SHROOM3: variants seen among roughly 807,000 people sequenced by gnomAD.
The protein encoded by SHROOM3 is shroom family member 3.
A neutral mutation model predicts 138.6 loss-of-function variants in SHROOM3; 47 were observed. That is an observed-to-expected ratio of 0.34 (90% CI 0.27 to 0.43). The LOEUF is 0.43. Among genes scored for constraint, SHROOM3 ranks in the 20% least tolerant of loss-of-function variants. The pLI is 1.00. For synonymous variants in SHROOM3, 1,062 were observed against 1,063.3 expected, an observed-to-expected ratio of 1.00 and a Z score of 0.02; for missense variants, 2,491 against 2,596.5, an observed-to-expected ratio of 0.96 and a Z score of 0.88.
rs768618966 is a variant in SHROOM3, at chr4:76,741,479, C to G, written c.3306C>G (p.Ala1102=). 1 of 1,559,856 alleles carries G rather than the reference C, an allele frequency of 6.4e-7. No homozygotes were observed. The change falls in exon 5 of 11, where the codon GCC becomes GCG. Residue 1102 remains alanine, a synonymous_variant. Coordinates refer to ENST00000296043, the MANE Select transcript of SHROOM3 (RefSeq NM_020859.4). The surrounding 1 kb of genome is among the most constrained non-coding windows in gnomAD (Gnocchi z 6.2). ...RKTGKRPTSA[A]GCSLQEPGPL... ...CCGGCAAGCGGCCTACCTCCGCCGC[C>G]GGCTGCAGCCTCCAGGAGCCCGGGC...
intron 3 of SHROOM3, among the ~76,000 whole-genome samples, chr4:76,724,859 A>G (rs1326308075): frequency 6.6e-6 from 1 of 152,100 alleles, no homozygotes; most frequent in Admixed American, 6.5e-5. Flanking sequence ...CAATCTTTTG[A>G]TGGGTATGTT....
At chr4:76,590,241 G>A (rs1397184765) in intron 2 of SHROOM3, among the ~76,000 whole-genome samples, 2 of 152,184 alleles carry the variant, frequency 1.3e-5, no homozygotes, top group East Asian at 3.9e-4. Context: ...ATTGAGGACA[G>A]CACCCTCTCT....
At position 76,549,901 on chromosome 4, in the gene SHROOM3, T is replaced by A. The variant is rs566097884; in HGVS notation, c.169-5708T>A. On this transcript the variant is annotated intron_variant, in intron 1 of 10. Coordinates refer to ENST00000296043, the MANE Select transcript of SHROOM3 (RefSeq NM_020859.4). ...ACACTTGGCCCCCAGCTGGCTCAAT[T>A]CAAGTCCTCCCTTGGACCTACTGGG... Among the ~76,000 whole-genome samples the A allele has an allele frequency of 1.1e-4, 16 of 152,246 alleles. 1 individual carries two copies. The South Asian group carries it at 3.3e-3, about 32-fold the overall frequency.
chr4:76,586,382 G>T, intron 2 of SHROOM3: 14 of 985,728 alleles, frequency 1.4e-5, no homozygotes, highest in Non-Finnish European at 1.7e-5. Flanking sequence ...CCCGCGGTGG[G>T]CCAGCCTTGG....
Position 76,740,243 on chromosome 4 carries a change from G to C in SHROOM3, c.2070G>C (p.Gly690=), listed in dbSNP as rs2110134020. The part of the protein sequence containing the change: ...LGRGTQEGYP[G]GRPTCAVNTK... Reference sequence around the variant, plus strand: ...GGGGAACCCAGGAGGGTTACCCCGGGGGCAGGCCCACCTGTGCAGTCAACA... The same window carrying C: ...GGGGAACCCAGGAGGGTTACCCCGGCGGCAGGCCCACCTGTGCAGTCAACA... The change falls in exon 5 of 11, where the codon GGG becomes GGC. Residue 690 remains glycine (G), a synonymous_variant. Transcript: ENST00000296043. This position sits in a 1 kb window ranked among gnomAD's most constrained non-coding sequence, Gnocchi z 4.0. 6.2e-7 allele frequency: 1 copy of C among 1,613,304 alleles called. No individual in the cohort carries two copies. The highest frequency in any genetic ancestry group is 8.5e-7 in the Non-Finnish European group (1 of 1,180,040).
chr4:76,624,337 T>A (rs182901459), intron 2 of SHROOM3, among the ~76,000 whole-genome samples: 1 of 152,274 alleles, frequency 6.6e-6, no homozygotes, highest in Non-Finnish European at 1.5e-5. Flanking sequence ...CTTGGTCTTG[T>A]GGCTTTAACA....
At chr4:76,471,077 T>C (rs1321696568) in intron 1 of SHROOM3, among the ~76,000 whole-genome samples, 1 of 152,278 alleles carries the variant, frequency 6.6e-6, no homozygotes, top group East Asian at 1.9e-4. Flanking sequence ...ACTCCACTTT[T>C]GTTATAAAAC....
At chr4:76,731,545 C>A (rs1487719223) in intron 4 of SHROOM3, among the ~76,000 whole-genome samples, 3 of 152,054 alleles carry the variant, frequency 2.0e-5, no homozygotes, top group Non-Finnish European at 2.9e-5. Flanking sequence ...CTTTGGGAGG[C>A]CAAGGAGGGC....
intron 2 of SHROOM3, among the ~76,000 whole-genome samples, chr4:76,642,956 C>T (rs984953575): frequency 6.6e-6 from 1 of 152,074 alleles, no homozygotes; most frequent in African/African-American, 2.4e-5. Flanking sequence ...CCTGTAATCC[C>T]AGCACTTTGG....
In SHROOM3 at chr4:76,555,589, G is replaced by T; in HGVS notation, c.169-20G>T. The T allele has an allele frequency of 6.2e-7, 1 of 1,612,412 alleles. No individual in the cohort carries two copies. The highest frequency in any genetic ancestry group is 1.1e-5 in the South Asian group (1 of 91,010). On this transcript the variant is annotated intron_variant, in intron 1 of 10. Transcript: ENST00000296043. Reference sequence around the variant, plus strand: ...AGGGGAAAGCTCACTCGTGGCTGTCGCATCTCTCCCTCCAAGCAGGTCGAA... The same window carrying T: ...AGGGGAAAGCTCACTCGTGGCTGTCTCATCTCTCCCTCCAAGCAGGTCGAA...
chr4:76,780,034 A>G lies in SHROOM3; in HGVS notation c.*857A>G, dbSNP rs550981075. On this transcript the variant is annotated 3_prime_UTR_variant, in exon 11 of 11. Transcript: ENST00000296043. ...ATTAACAAAGACAACTCTCAGACCTATATAATAGGAGGAGGACGTCCAGAA... is the reference window on the plus strand; with the variant it reads ...ATTAACAAAGACAACTCTCAGACCTGTATAATAGGAGGAGGACGTCCAGAA... 1 of 152,352 alleles carries G rather than the reference A, an allele frequency of 6.6e-6. No individual in the cohort carries two copies. The highest frequency in any genetic ancestry group is 2.4e-5 in the African/African-American group (1 of 41,582). 9.4% of individuals were successfully genotyped at this position (152,352 alleles called of 1,614,324 possible). A position where few individuals can be genotyped will look rare whatever the true frequency, so the allele number is the denominator to read the frequency against.
chr4:76,716,860 T>C (rs344123), intron 3 of SHROOM3, among the ~76,000 whole-genome samples: 113,634 of 152,160 alleles, frequency 0.75, 42,610 homozygotes, highest in African/African-American at 0.78. Context: ...TCATTGCCAA[T>C]ATTTGTATAA....
Position 76,756,566 on chromosome 4 carries a change from G to A in SHROOM3, c.4827G>A (p.Glu1609=), listed in dbSNP as rs769017592. The A allele has an allele frequency of 6.2e-7, 1 of 1,613,650 alleles. No homozygotes were observed. Among genetic ancestry groups the A allele is most frequent in the Non-Finnish European group, 8.5e-7 (1 of 1,179,986 alleles). Residue 1609 remains glutamate, a synonymous_variant, in exon 8 of 11, where the codon GAG becomes GAA. Coordinates refer to ENST00000296043, the MANE Select transcript of SHROOM3 (RefSeq NM_020859.4). The part of the protein sequence containing the change: ...SRLQTSIKGS[E]AESTPPSFMS... ...TCCAAACTTCTATCAAGGGTTCAGA[G>A]GCTGAGTCCACACCACCCTCCTTCA... is the stretch of plus-strand genomic sequence containing the variant.
intron 10 of SHROOM3, 30 bp downstream of exon 10, chr4:76,770,928 G>A: frequency 6.2e-7 from 1 of 1,614,070 alleles, no homozygotes; most frequent in Admixed American, 1.7e-5. Flanking sequence ...AGTTCAACAA[G>A]TTCTCCCTCA....
intron 1 of SHROOM3, among the ~76,000 whole-genome samples, chr4:76,440,349 A>C (rs1005375394): frequency 1.6e-4 from 25 of 152,196 alleles, no homozygotes; most frequent in African/African-American, 5.3e-4. Flanking sequence ...GAACTCATGC[A>C]TTCTGGTTCC....
At chr4:76,746,704 A>G (rs1721444315) in intron 5 of SHROOM3, among the ~76,000 whole-genome samples, 1 of 151,880 alleles carries the variant, frequency 6.6e-6, no homozygotes, top group African/African-American at 2.4e-5. Context: ...TTCACATTTC[A>G]TCAGTGACAG....
At chr4:76,531,537 T>C (rs1732828546) in intron 1 of SHROOM3, among the ~76,000 whole-genome samples, 1 of 152,174 alleles carries the variant, frequency 6.6e-6, no homozygotes, top group South Asian at 2.1e-4. Flanking sequence ...CTTGCTGTGA[T>C]GTGAAAAAGA....
At chr4:76,692,766 A>T (rs1287272827) in intron 2 of SHROOM3, among the ~76,000 whole-genome samples, 1 of 152,258 alleles carries the variant, frequency 6.6e-6, no homozygotes, top group Non-Finnish European at 1.5e-5. Flanking sequence ...AATAATAATA[A>T]GCAATTCTAT....
chr4:76,664,167 C>T lies in SHROOM3; in HGVS notation c.324-45989C>T, dbSNP rs1196356628. Reference sequence around the variant, plus strand: ...CATTTACCACATGGGATCCTCCTGGCTGTCAGCATTCATGTAATTTCAAAA... The same window carrying T: ...CATTTACCACATGGGATCCTCCTGGTTGTCAGCATTCATGTAATTTCAAAA... On this transcript the variant is annotated intron_variant, in intron 2 of 10. Transcript: ENST00000296043. The surrounding 1 kb of genome is among the most constrained non-coding windows in gnomAD (Gnocchi z 4.2). Among the ~76,000 whole-genome samples the T allele has an allele frequency of 6.6e-6, 1 of 152,200 alleles. No homozygotes were observed. Among genetic ancestry groups the T allele is most frequent in the Non-Finnish European group, 1.5e-5 (1 of 68,038 alleles).
Sources: gnomAD v4.1 joint callset for allele counts (sites outside exome capture counted in the v4.1 genomes callset) on GRCh38, gnomAD v4.1.1 for gene constraint, Gnocchi (gnomAD v3.1) non-coding constraint, MANE v1.5 for transcripts, NCBI Gene and HGNC (gene_info 2026-07-23, HGNC 2026-07-21) for gene names.